HS3ST2: variants seen among roughly 807,000 people sequenced by gnomAD.
The protein encoded by HS3ST2 is heparan sulfate glucosamine 3-O-sulfotransferase 2.
HS3ST2 carries 17 observed loss-of-function variants against 26.3 expected under a neutral mutation model. The ratio of observed to expected loss-of-function variants is 0.65; its 90% CI spans 0.44 to 0.97. HS3ST2 has a LOEUF of 0.97. Among genes scored for constraint, HS3ST2 ranks in the 50% least tolerant of loss-of-function variants. The probability of loss-of-function intolerance (pLI) is 0.00; values close to 1 mark genes in which losing one functional copy is unlikely to be tolerated. For synonymous variants in HS3ST2, 237 were observed against 219.2 expected, an observed-to-expected ratio of 1.08 and a Z score of -0.72; for missense variants, 402 against 501.2, an observed-to-expected ratio of 0.80 and a Z score of 1.89.
intron 1 of HS3ST2, chr16:22,833,206 A>G: frequency 2.2e-6 from 1 of 456,028 alleles, no homozygotes; most frequent in Non-Finnish European, 4.4e-6. Flanking sequence ...TGTATCCACA[A>G]GGCACCCCTG....
chr16:22,913,247 C>T (rs1307714676), intron 1 of HS3ST2, among the ~76,000 whole-genome samples: 2 of 151,274 alleles, frequency 1.3e-5, no homozygotes, highest in East Asian at 3.9e-4. Context: ...GAAAAATGCA[C>T]GTAAGGGTCA....
chr16:22,898,972 A>G (rs1450261665), intron 1 of HS3ST2, among the ~76,000 whole-genome samples: 1 of 152,108 alleles, frequency 6.6e-6, no homozygotes, highest in Admixed American at 6.5e-5. Context: ...GGCTCCAACC[A>G]CTGCAATTGG....
At chr16:22,868,970 C>T (rs947647448) in intron 1 of HS3ST2, among the ~76,000 whole-genome samples, 2 of 152,072 alleles carry the variant, frequency 1.3e-5, no homozygotes, top group Admixed American at 6.6e-5. Context: ...AGGGGAATCA[C>T]GTGTAAATGC....
At chr16:22,914,716 G>A (rs111775775) in intron 1 of HS3ST2, among the ~76,000 whole-genome samples, 7,996 of 119,894 alleles carry the variant, frequency 0.067, 277 homozygotes, top group Middle Eastern at 0.18. Context: ...CAGCCTGGGC[G>A]ACAGAGTGAG....
chr16:22,841,449 C>T (rs1233981612), intron 1 of HS3ST2, among the ~76,000 whole-genome samples: 3 of 152,162 alleles, frequency 2.0e-5, no homozygotes, highest in African/African-American at 4.8e-5. Context: ...GACTTCTCTC[C>T]TTCAGCTACT....
intron 1 of HS3ST2, among the ~76,000 whole-genome samples, chr16:22,822,438 G>A (rs115100063): frequency 0.014 from 2,096 of 152,254 alleles, 56 homozygotes; most frequent in African/African-American, 0.047. Context: ...AGAGTGCTGG[G>A]ATTACAGGTG....
intron 1 of HS3ST2, among the ~76,000 whole-genome samples, chr16:22,838,207 A>C (rs1901298062): frequency 6.6e-6 from 1 of 152,126 alleles, no homozygotes; most frequent in African/African-American, 2.4e-5. Context: ...GGATTTTTGC[A>C]CAAAGAGATT....
intron 1 of HS3ST2, among the ~76,000 whole-genome samples, chr16:22,832,099 C>T (rs1901178094): frequency 6.6e-6 from 1 of 151,462 alleles, no homozygotes; most frequent in Non-Finnish European, 1.5e-5. Context: ...CCTCCCACTT[C>T]AGCTTCCCGA....
At chr16:22,897,347 G>A (rs138271608) in intron 1 of HS3ST2, among the ~76,000 whole-genome samples, 1 of 152,116 alleles carries the variant, frequency 6.6e-6, no homozygotes, top group Non-Finnish European at 1.5e-5. Flanking sequence ...TAGCAAGATG[G>A]CTGGTGAAGA....
At chr16:22,872,650 G>T (rs1901853728) in intron 1 of HS3ST2, among the ~76,000 whole-genome samples, 2 of 152,160 alleles carry the variant, frequency 1.3e-5, no homozygotes, top group African/African-American at 4.8e-5. Context: ...TACCTGCCTG[G>T]CCCACGTAAG....
At chr16:22,845,523 T>C (rs1901419409) in intron 1 of HS3ST2, among the ~76,000 whole-genome samples, 1 of 151,726 alleles carries the variant, frequency 6.6e-6, no homozygotes, top group Non-Finnish European at 1.5e-5. Context: ...GGCTAATTTT[T>C]TGTATTTTTA....
At chr16:22,822,896 A>C (rs2141175132) in intron 1 of HS3ST2, among the ~76,000 whole-genome samples, 1 of 152,064 alleles carries the variant, frequency 6.6e-6, no homozygotes, top group South Asian at 2.1e-4. Flanking sequence ...AGATATTTGT[A>C]TTGTGAAATT....
chr16:22,850,429 GA>G (rs754038925), intron 1 of HS3ST2, among the ~76,000 whole-genome samples: 6 of 152,270 alleles, frequency 3.9e-5, no homozygotes, highest in Non-Finnish European at 8.8e-5. Context: ...TTAGTTGCTT[GA>G]ACCATAATTT....
At chr16:22,913,180 G>GAGGT (rs1567503046) in intron 1 of HS3ST2, among the ~76,000 whole-genome samples, 1 of 125,426 alleles carries the variant, frequency 8.0e-6, no homozygotes, top group Non-Finnish European at 1.7e-5. Context: ...GGGAGGGAGG[G>GAGGT]AGGGCGGAAG....
intron 1 of HS3ST2, among the ~76,000 whole-genome samples, chr16:22,836,467 C>T (rs8064119): frequency 0.026 from 3,996 of 152,288 alleles, 164 homozygotes; most frequent in African/African-American, 0.091. Flanking sequence ...GCACTTAAGT[C>T]TTATAACTGT....
chr16:22,851,316 G>A (rs980233151), intron 1 of HS3ST2, among the ~76,000 whole-genome samples: 1 of 152,194 alleles, frequency 6.6e-6, no homozygotes, highest in African/African-American at 2.4e-5. Context: ...TGTGCATAAT[G>A]TAATTTAATG....
chr16:22,885,715 C>T (rs944714442), intron 1 of HS3ST2, among the ~76,000 whole-genome samples: 2 of 152,180 alleles, frequency 1.3e-5, no homozygotes, highest in Admixed American at 6.5e-5. Flanking sequence ...CTCGGCCTCC[C>T]AAAGTGCTGG....
At chr16:22,822,855 A>G (rs1901018631) in intron 1 of HS3ST2, among the ~76,000 whole-genome samples, 1 of 145,380 alleles carries the variant, frequency 6.9e-6, no homozygotes, top group African/African-American at 2.7e-5. Flanking sequence ...ACTCCGTCTC[A>G]GAAAAAAAAA....
chr16:22,846,091 A>C (rs975454211), intron 1 of HS3ST2, among the ~76,000 whole-genome samples: 5 of 152,190 alleles, frequency 3.3e-5, no homozygotes, highest in African/African-American at 1.2e-4. Context: ...CAGCCTGACC[A>C]ACATGGTGAA....
Sources: allele counts gnomAD v4.1 joint callset (sites outside exome capture counted in the v4.1 genomes callset), GRCh38; gene constraint gnomAD v4.1.1; transcripts MANE v1.5; gene names NCBI Gene and HGNC (gene_info 2026-07-23, HGNC 2026-07-21).